VPS13A: variants seen among roughly 807,000 people sequenced by gnomAD.
VPS13A encodes the protein vacuolar protein sorting 13 homolog A, also known as intermembrane lipid transfer protein VPS13A.
A neutral mutation model predicts 390.9 loss-of-function variants in VPS13A; 264 were observed. The ratio of observed to expected loss-of-function variants is 0.68; its 90% confidence interval spans 0.61 to 0.75. The LOEUF (loss-of-function observed/expected upper bound fraction) is 0.75, where lower values mean the gene tolerates loss of function less well. Among genes scored for constraint, VPS13A ranks in the 30% least tolerant of loss-of-function variants. The pLI is 0.00. For synonymous variants in VPS13A, 1,231 were observed against 1,227.1 expected (o/e 1.00, Z -0.07); for missense variants, 3,409 against 3,733.9 (o/e 0.91, Z 2.27).
chr9:77,383,977 T>TCC (rs77588326), intron 68 of VPS13A, among the ~76,000 whole-genome samples: 3 of 148,716 alleles, frequency 2.0e-5, no homozygotes, highest in Admixed American at 1.3e-4. Context: ...TTTTTTTTTT[T>TCC]TAATCAAAGC....
chr9:77,208,482 TA>T (rs113508558), intron 5 of VPS13A, among the ~76,000 whole-genome samples: 2 of 152,076 alleles, frequency 1.3e-5, no homozygotes, highest in African/African-American at 4.8e-5. Flanking sequence ...AAAAGGATAA[TA>T]ACTATGATTA....
intron 52 of VPS13A, among the ~76,000 whole-genome samples, chr9:77,346,465 A>G (rs568348081): frequency 5.9e-5 from 9 of 152,220 alleles, no homozygotes; most frequent in Admixed American, 3.3e-4. Context: ...ATTTTCTCCC[A>G]TTCTGTGCGT....
intron 10 of VPS13A, among the ~76,000 whole-genome samples, chr9:77,217,110 C>T (rs1470173870): frequency 1.3e-5 from 2 of 152,104 alleles, no homozygotes; most frequent in African/African-American, 4.8e-5. Context: ...TTAACCATTA[C>T]ATGAGATGTT....
chr9:77,361,800 C>A (rs1022232839), intron 59 of VPS13A, among the ~76,000 whole-genome samples: 3 of 151,826 alleles, frequency 2.0e-5, no homozygotes, highest in Non-Finnish European at 4.4e-5. Context: ...CCATATTATC[C>A]CCAACACTTG....
chr9:77,295,836 CGACTATACAGG>C lies in VPS13A; in HGVS notation c.3803_3812+1del. ...GATAACAATAAAGCTGAGTGAAATG[CGACTATACAGG>C]TAAGCTTTTCACAAGTATATTTGTG... is the stretch of plus-strand genomic sequence containing the variant. On this transcript the variant is annotated splice_donor_variant and coding_sequence_variant, in exon 33 of 72. Coordinates refer to ENST00000360280, the MANE Select transcript of VPS13A (RefSeq NM_033305.3). LOFTEE classifies it high-confidence loss of function. 6.2e-7 allele frequency: 1 copy of C among 1,613,480 alleles called. No homozygotes were observed. Among genetic ancestry groups the C allele is most frequent in the Non-Finnish European group, 8.5e-7 (1 of 1,179,836 alleles).
intron 69 of VPS13A, among the ~76,000 whole-genome samples, chr9:77,404,929 TGA>T (rs1181129607): frequency 1.3e-5 from 2 of 151,794 alleles, no homozygotes; most frequent in African/African-American, 4.8e-5. Context: ...AAGATGGAAG[TGA>T]GAGATAGATA....
chr9:77,384,154 CATG>C (rs1833577954), intron 68 of VPS13A, among the ~76,000 whole-genome samples: 1 of 151,502 alleles, frequency 6.6e-6, no homozygotes, highest in Non-Finnish European at 1.5e-5. Context: ...AAATGTTTCT[CATG>C]TTATTTTCTT....
intron 63 of VPS13A, 141 bp downstream of exon 63, chr9:77,369,553 T>C: frequency 5.7e-6 from 4 of 703,678 alleles, no homozygotes; most frequent in East Asian, 5.4e-5. Flanking sequence ...CAGCAAACAA[T>C]GGTAAGAGGT....
At chr9:77,313,217 A>G (rs1206289453) in intron 35 of VPS13A, among the ~76,000 whole-genome samples, 1 of 152,198 alleles carries the variant, frequency 6.6e-6, no homozygotes, top group African/African-American at 2.4e-5. Context: ...AAAATATACA[A>G]AATTCGTCTA....
chr9:77,200,573 T>A (rs899812184), intron 2 of VPS13A, among the ~76,000 whole-genome samples: 5 of 152,126 alleles, frequency 3.3e-5, no homozygotes, highest in South Asian at 2.1e-4. Context: ...ATTTTTTTTT[T>A]AAGACAGGCT....
intron 39 of VPS13A, 52 bp downstream of exon 39, chr9:77,316,458 G>GTA (rs776134279): frequency 1.4e-5 from 21 of 1,523,840 alleles, no homozygotes; most frequent in African/African-American, 2.7e-5. Flanking sequence ...TGGATGTAGT[G>GTA]TATACCATTT....
chr9:77,224,935 G>A (rs1364862734), intron 13 of VPS13A, among the ~76,000 whole-genome samples: 1 of 152,190 alleles, frequency 6.6e-6, no homozygotes, highest in Non-Finnish European at 1.5e-5. Context: ...ACCCTGATGA[G>A]TCAGCAGCTA....
intron 21 of VPS13A, among the ~76,000 whole-genome samples, chr9:77,250,739 A>G (rs150993000): frequency 2.0e-5 from 3 of 152,320 alleles, no homozygotes; most frequent in East Asian, 1.9e-4. Context: ...ACTCTCCTAG[A>G]CATACTTGTA....
At chr9:77,409,900 A>G (rs1206335822) in intron 71 of VPS13A, among the ~76,000 whole-genome samples, 1 of 151,446 alleles carries the variant, frequency 6.6e-6, no homozygotes, top group African/African-American at 2.4e-5. Context: ...AACTTCCCCA[A>G]TCTAGCAAGG....
chr9:77,219,178 T>G (rs1183704642), intron 10 of VPS13A, among the ~76,000 whole-genome samples: 1 of 151,950 alleles, frequency 6.6e-6, no homozygotes, highest in Non-Finnish European at 1.5e-5. Context: ...TTTTTTTCAA[T>G]GTAAGAAGAA....
rs114146360 is a variant in VPS13A, at chr9:77,331,601, C to T, written c.5992-409C>T. On this transcript the variant is annotated intron_variant, in intron 45 of 71. Transcript: ENST00000360280. ...TTTTTGAGTGTGGTGGTTATAAACC[C>T]TTTGTCAAGTATATTACAGATATTT... Among the ~76,000 whole-genome samples the T allele has an allele frequency of 4.3e-3, 660 of 151,828 alleles. 3 individuals carry two copies. Among genetic ancestry groups the T allele is most frequent in the African/African-American group, 0.015 (623 of 41,452 alleles).
At chr9:77,197,239 G>A (rs919893208) in intron 1 of VPS13A, among the ~76,000 whole-genome samples, 1 of 152,188 alleles carries the variant, frequency 6.6e-6, no homozygotes, top group African/African-American at 2.4e-5. Context: ...GTATTCTGCT[G>A]TTGGTGGGTG....
chr9:77,415,984 G>A lies in VPS13A; in HGVS notation c.9503G>A (p.Arg3168Lys). ...ATCCTCACAAAGCTACAAGAAGCAA[G>A]AGAACCTTCTCCGAGCCTCTGACAG... ...RWILTKLQEA[R>K]EPSPSL Residue 3168 changes from arginine (R) to lysine (K), a missense_variant, in exon 72 of 72, where the codon AGA becomes AAA. By Grantham distance (26) the Arg-to-Lys change is conservative. This residue lies in a region of VPS13A where 318 missense variants were observed against 333.7 expected (regional missense o/e 0.95). Coordinates refer to ENST00000360280, the MANE Select transcript of VPS13A (RefSeq NM_033305.3). 6.2e-7 allele frequency: 1 copy of A among 1,613,510 alleles called. No homozygotes were observed.
Position 77,275,560 on chromosome 9 carries a change from A to T in VPS13A, c.2575A>T (p.Thr859Ser). 1 of 1,613,818 alleles carries T rather than the reference A, an allele frequency of 6.2e-7. No homozygotes were observed. The highest frequency in any genetic ancestry group is 8.5e-7 in the Non-Finnish European group (1 of 1,179,816). The change falls in exon 25 of 72, where the codon ACT (threonine) becomes TCT (serine). Residue 859 changes from threonine to serine, a missense_variant. Coordinates refer to ENST00000360280, the MANE Select transcript of VPS13A (RefSeq NM_033305.3). ...CTTGGAAGAACCTCTTCAGTTTCCAACTGGAGTTAAAAGTATTCGAACCAG... is the reference window on the plus strand; with the variant it reads ...CTTGGAAGAACCTCTTCAGTTTCCATCTGGAGTTAAAAGTATTCGAACCAG... ...SPLEEPLQFPTGVKSIRTRKL... is the reference protein window; with the variant it reads ...SPLEEPLQFPSGVKSIRTRKL...
Sources: gnomAD v4.1 joint callset for allele counts (sites outside exome capture counted in the v4.1 genomes callset) on GRCh38, gnomAD v4.1.1 for gene constraint, gnomAD v4.1.1 regional missense constraint, MANE v1.5 for transcripts, NCBI Gene and HGNC (gene_info 2026-07-23, HGNC 2026-07-21) for gene names.